CNOT10: variants seen among roughly 807,000 people sequenced by gnomAD.
The protein encoded by CNOT10 is CCR4-NOT transcription complex, subunit 10.
CNOT10 carries 30 observed loss-of-function variants against 94.6 expected under a neutral mutation model. The ratio of observed to expected loss-of-function variants is 0.32; its 90% CI spans 0.24 to 0.43. The LOEUF (loss-of-function observed/expected upper bound fraction) is 0.43. Among genes scored for constraint, CNOT10 ranks in the 20% least tolerant of loss-of-function variants. The pLI is 1.00. For synonymous variants in CNOT10, 289 were observed against 301.6 expected (o/e 0.96, Z 0.43); for missense variants, 759 against 877.2 (o/e 0.87, Z 1.70).
At chr3:32,695,302 G>GTT (rs1696999295) in intron 1 of CNOT10, among the ~76,000 whole-genome samples, 2 of 152,154 alleles carry the variant, frequency 1.3e-5, no homozygotes, top group South Asian at 4.1e-4. Flanking sequence ...GGCCTGAATT[G>GTT]TTTTTCTTCG....
chr3:32,767,519 C>CA (rs10687739), intron 17 of CNOT10, among the ~76,000 whole-genome samples: 49,010 of 105,574 alleles, frequency 0.46, 12,574 homozygotes, highest in African/African-American at 0.56. Context: ...AACTCTGTCT[C>CA]AAAAAAAAAA....
At chr3:32,704,273 TTTTA>T (rs1358374786) in intron 2 of CNOT10, among the ~76,000 whole-genome samples, 3 of 152,182 alleles carry the variant, frequency 2.0e-5, no homozygotes, top group Non-Finnish European at 2.9e-5. Context: ...TGTTCAATTC[TTTTA>T]TTTATTTATT....
chr3:32,734,981 T>TA lies in CNOT10; in HGVS notation c.1514+5_1514+6insA, dbSNP rs750497291. On this transcript the variant is annotated splice_donor_region_variant and intron_variant, in intron 12 of 18. Transcript: ENST00000328834. ...CGAAAGCAGTGAAACTTGCAGGTAT[T>TA]CTAATCCTTGTGACCTCCTTTGGCA... is the stretch of plus-strand genomic sequence containing the variant. 3.0e-5 allele frequency: 49 copies of TA among 1,607,792 alleles called. No individual in the cohort carries two copies. The African/African-American group carries it at 5.7e-4, about 19-fold the overall frequency.
chr3:32,721,060 CTTTTTTTTTTTT>C (rs377750318), intron 8 of CNOT10, among the ~76,000 whole-genome samples: 14 of 97,694 alleles, frequency 1.4e-4, no homozygotes, highest in Admixed American at 5.8e-4. Context: ...TCTTTCCTTT[CTTTTTTTTTTTT>C]TTTTTTTGAC....
chr3:32,746,181 T>A (rs1164519043), intron 13 of CNOT10, among the ~76,000 whole-genome samples: 2 of 152,154 alleles, frequency 1.3e-5, no homozygotes, highest in Non-Finnish European at 2.9e-5. Context: ...GTTGCGGGAA[T>A]TGACTGGAAA....
intron 1 of CNOT10, 190 bp from the exon 2 acceptor site, chr3:32,703,678 C>A: frequency 1.9e-6 from 1 of 515,310 alleles, no homozygotes; most frequent in Non-Finnish European, 3.5e-6. Context: ...TGCAGGATGG[C>A]AAGAGATTTC....
chr3:32,716,881 C>T (rs967436985), intron 6 of CNOT10, among the ~76,000 whole-genome samples: 1 of 152,180 alleles, frequency 6.6e-6, no homozygotes, highest in Admixed American at 6.5e-5. Flanking sequence ...AACTCCTGAC[C>T]TCAGGTGATC....
At chr3:32,688,465 C>G (rs1021834118) in intron 1 of CNOT10, among the ~76,000 whole-genome samples, 1 of 152,054 alleles carries the variant, frequency 6.6e-6, no homozygotes, top group Non-Finnish European at 1.5e-5. Context: ...GGCATGCTGG[C>G]GCACACCTGT....
At chr3:32,722,541 GA>G (rs1698469679) in intron 8 of CNOT10, among the ~76,000 whole-genome samples, 1 of 152,198 alleles carries the variant, frequency 6.6e-6, no homozygotes, top group Non-Finnish European at 1.5e-5. Context: ...GCAGGAGCTG[GA>G]AGTGGTGGCT....
At position 32,685,242 on chromosome 3, in the gene CNOT10, G is replaced by T. The variant is rs1162495668; in HGVS notation, c.-219G>T. 1 of 525,610 alleles carries T rather than the reference G, an allele frequency of 1.9e-6. No individual in the cohort carries two copies. The highest frequency in any genetic ancestry group is 3.4e-5 in the East Asian group (1 of 29,384). 32.6% of individuals were successfully genotyped at this position (525,610 alleles called of 1,614,324 possible). A position where few individuals can be genotyped will look rare whatever the true frequency, so the allele number is the denominator to read the frequency against. On this transcript the variant is annotated 5_prime_UTR_variant, in exon 1 of 19. Coordinates refer to ENST00000328834, the MANE Select transcript of CNOT10 (RefSeq NM_015442.3). The stretch of plus-strand genomic sequence containing the variant: ...GCTGTGTATGGCGGGAGGCTGTGGC[G>T]GTCCCTTGGTGGGGAAGCTGTTGCT...
chr3:32,751,870 G>T (rs1327322874), intron 13 of CNOT10, among the ~76,000 whole-genome samples: 1 of 152,164 alleles, frequency 6.6e-6, no homozygotes, highest in African/African-American at 2.4e-5. Flanking sequence ...ACCGTAGAAG[G>T]ATCCTACCTG....
intron 18 of CNOT10, among the ~76,000 whole-genome samples, chr3:32,770,317 A>AT (rs57427218): frequency 4.3e-5 from 2 of 46,308 alleles, no homozygotes; most frequent in African/African-American, 1.7e-4. Flanking sequence ...CAAGGCTGAG[A>AT]TTTTTTTTTT....
At chr3:32,737,544 G>A (rs1023886027) in intron 13 of CNOT10, 54 bp downstream of exon 13, 1 of 1,188,870 alleles carries the variant, frequency 8.4e-7, no homozygotes. Context: ...CATATTCATG[G>A]CTGGGCACAG....
Position 32,721,853 on chromosome 3 carries a change from C to T in CNOT10, c.862+1622C>T, listed in dbSNP as rs566131222. Among the ~76,000 whole-genome samples, 7 of 151,534 alleles carry T rather than the reference C, an allele frequency of 4.6e-5. No homozygotes were observed. The East Asian group carries it at 5.8e-4, about 13-fold the overall frequency. ...TTTTTTAGTAGAGACAGGGTTTCACCGTGTTAGCCAGGATGGTCTCGATCT... is the reference window on the plus strand; with the variant it reads ...TTTTTTAGTAGAGACAGGGTTTCACTGTGTTAGCCAGGATGGTCTCGATCT... On this transcript the variant is annotated intron_variant, in intron 8 of 18. Coordinates refer to ENST00000328834, the MANE Select transcript of CNOT10 (RefSeq NM_015442.3).
chr3:32,700,645 G>C (rs1177656998), intron 1 of CNOT10, among the ~76,000 whole-genome samples: 1 of 152,124 alleles, frequency 6.6e-6, no homozygotes, highest in South Asian at 2.1e-4. Flanking sequence ...TTGCGGATAG[G>C]TTCAAGCTTT....
chr3:32,770,066 T>A, intron 18 of CNOT10, 104 bp downstream of exon 18: 1 of 830,358 alleles, frequency 1.2e-6, no homozygotes, highest in Non-Finnish European at 2.0e-6. Flanking sequence ...AGTGCAGTGG[T>A]ACCATCAGAG....
At chr3:32,765,657 C>CA (rs199748186) in intron 17 of CNOT10, among the ~76,000 whole-genome samples, 4,035 of 44,768 alleles carry the variant, frequency 0.09, 1,720 homozygotes, top group East Asian at 0.19. Context: ...CCTGTCCCCC[C>CA]AAAAAAAAAA....
At chr3:32,756,930 C>T (rs1700246218) in intron 13 of CNOT10, among the ~76,000 whole-genome samples, 1 of 151,754 alleles carries the variant, frequency 6.6e-6, no homozygotes, top group Non-Finnish European at 1.5e-5. Context: ...TAGTGAAACC[C>T]CATCTCTATA....
chr3:32,753,555 G>A (rs1340153944), intron 13 of CNOT10: 4 of 1,585,682 alleles, frequency 2.5e-6, no homozygotes, highest in South Asian at 1.1e-5. Context: ...AAAAGCCAGA[G>A]GCTGTGAGAT....
Sources: allele counts gnomAD v4.1 joint callset (sites outside exome capture counted in the v4.1 genomes callset), GRCh38; gene constraint gnomAD v4.1.1; transcripts MANE v1.5; gene names NCBI Gene and HGNC (gene_info 2026-07-23, HGNC 2026-07-21).